Variants in B4GALT7 observed in about 807,000 individuals in gnomAD.
The protein encoded by B4GALT7 is beta-1,4-galactosyltransferase 7.
In B4GALT7, 30 loss-of-function variants were observed where a neutral mutation model predicts 33.0. The ratio of observed to expected loss-of-function variants is 0.91; its 90% CI spans 0.68 to 1.23. The LOEUF (loss-of-function observed/expected upper bound fraction) is 1.23. Ranked by LOEUF, B4GALT7 falls within the 50% of genes most tolerant of loss-of-function variation. The pLI, the probability that B4GALT7 is intolerant of heterozygous loss-of-function variation, is 0.00. For synonymous variants in B4GALT7, 213 were observed against 187.2 expected, an observed-to-expected ratio of 1.14 and a Z score of -1.13; for missense variants, 507 against 450.8, an observed-to-expected ratio of 1.12 and a Z score of -1.13.
At chr5:177,602,950 T>C (rs1767882771) in intron 1 of B4GALT7, 2 of 650,412 alleles carry the variant, frequency 3.1e-6, no homozygotes, top group Non-Finnish European at 3.8e-6. Context: ...TGGCGTGATC[T>C]CAGCTCACTG....
chr5:177,608,964 G>A lies in B4GALT7; in HGVS notation c.778G>A (p.Asp260Asn), dbSNP rs1231800939. 3.1e-6 allele frequency: 5 copies of A among 1,613,322 alleles called. No homozygotes were observed. The highest frequency in any genetic ancestry group is 3.4e-6 in the Non-Finnish European group (4 of 1,179,996). Residue 260 changes from aspartate (D) to asparagine (N), a missense_variant, in exon 5 of 6, where the codon GAC (aspartate) becomes AAC (asparagine). Physicochemically the swap from Asp to Asn is conservative, Grantham distance 23. Transcript: ENST00000029410. The surrounding 1 kb of genome is among the most constrained non-coding windows in gnomAD (Gnocchi z 4.1). ...GTACAAGACATTTCGCCACCTGCAT[G>A]ACCCAGCCTGGCGGAAGAGGGACCA... The part of the protein sequence containing the change: ...TGYKTFRHLH[D>N]PAWRKRDQKR...
At chr5:177,607,563 G>C (rs1384409195) in intron 3 of B4GALT7, 36 bp downstream of exon 3, 1 of 1,584,446 alleles carries the variant, frequency 6.3e-7, no homozygotes, top group East Asian at 2.2e-5. Flanking sequence ...TCAGAGCCGG[G>C]AGCTCCCTCC....
intron 5 of B4GALT7, among the ~76,000 whole-genome samples, chr5:177,609,290 C>A (rs561178194): frequency 6.6e-6 from 1 of 152,184 alleles, no homozygotes; most frequent in African/African-American, 2.4e-5. Flanking sequence ...CCCAGCCACA[C>A]CCGGGATGCA....
rs1767818910 is a variant in B4GALT7, at chr5:177,600,541, T to C, written c.50+281T>C. Among the ~76,000 whole-genome samples, 1 of 151,724 alleles carries C rather than the reference T, an allele frequency of 6.6e-6. No individual in the cohort carries two copies. Among genetic ancestry groups the C allele is most frequent in the Non-Finnish European group, 1.5e-5 (1 of 67,882 alleles). On this transcript the variant is annotated intron_variant, in intron 1 of 5. Transcript: ENST00000029410. The surrounding 1 kb of genome is among the most constrained non-coding windows in gnomAD (Gnocchi z 4.4). ...CCGTATTTCTCCATTGACTTCCCTT[T>C]GTGAGTTTCTGATCCCCTCTTTGCT...
intron 1 of B4GALT7, chr5:177,603,924 G>A (rs1440388549): frequency 3.6e-6 from 2 of 549,876 alleles, no homozygotes; most frequent in Non-Finnish European, 3.3e-6. Context: ...GAGGAGCCGG[G>A]GCAGCTCTGT....
chr5:177,609,194 C>T (rs1207624385), intron 5 of B4GALT7, among the ~76,000 whole-genome samples, 180 bp downstream of exon 5: 7 of 152,134 alleles, frequency 4.6e-5, no homozygotes, highest in Admixed American at 1.3e-4. Context: ...TGTGGGCACC[C>T]TGGGCACTGT....
chr5:177,608,837 C>T lies in B4GALT7; in HGVS notation c.724-73C>T. The T allele has an allele frequency of 3.7e-6, 5 of 1,369,430 alleles. No homozygotes were observed. Among genetic ancestry groups the T allele is most frequent in the Non-Finnish European group, 2.1e-6 (2 of 962,120 alleles). 84.8% of individuals were successfully genotyped at this position (1,369,430 alleles called of 1,614,324 possible). A position where few individuals can be genotyped will look rare whatever the true frequency, so the allele number is the denominator to read the frequency against. Reference sequence around the variant, plus strand: ...GGAGTGCAGGTCCCTTCCTGTGGGACCTCGGGAGCTGGTGGTGAGGGCTGG... The same window carrying T: ...GGAGTGCAGGTCCCTTCCTGTGGGATCTCGGGAGCTGGTGGTGAGGGCTGG... On this transcript the variant is annotated intron_variant, in intron 4 of 5. Coordinates refer to ENST00000029410, the MANE Select transcript of B4GALT7 (RefSeq NM_007255.3). This position sits in a 1 kb window ranked among gnomAD's most constrained non-coding sequence, Gnocchi z 4.1.
Position 177,610,026 on chromosome 5 carries a change from C to T in B4GALT7, c.*331C>T, listed in dbSNP as rs936276472. On this transcript the variant is annotated 3_prime_UTR_variant, in exon 6 of 6. Transcript: ENST00000029410. ...AGTGGGGAGGGCTGAACAGGACAAC[C>T]TCTCATCACCCCCACTTTTGTTCCT... The T allele has an allele frequency of 5.1e-6, 2 of 394,500 alleles. No individual in the cohort carries two copies. The highest frequency in any genetic ancestry group is 1.1e-4 in the East Asian group (2 of 17,784). 24.4% of individuals were successfully genotyped at this position (394,500 alleles called of 1,614,324 possible). A position where few individuals can be genotyped will look rare whatever the true frequency, so the allele number is the denominator to read the frequency against.
Position 177,604,396 on chromosome 5 carries a change from T to TG in B4GALT7, c.272dup (p.His93ProfsTer73), listed in dbSNP as rs1450072481. 1.2e-6 allele frequency: 2 copies of TG among 1,613,676 alleles called. No homozygotes were observed. The highest frequency in any genetic ancestry group is 1.1e-5 in the South Asian group (1 of 91,072). On this transcript the variant is annotated frameshift_variant, in exon 2 of 6. Coordinates refer to ENST00000029410, the MANE Select transcript of B4GALT7 (RefSeq NM_007255.3). LOFTEE classifies it high-confidence loss of function. ...TGAGCACTGGGAAGAAGACGCATCC[T>TG]GGGGCCCCCACCGCCTGGCAGTGCT...
rs372307412 is a variant in B4GALT7, at chr5:177,608,497, C to T, written c.640-42C>T. On this transcript the variant is annotated intron_variant, in intron 3 of 5. Coordinates refer to ENST00000029410, the MANE Select transcript of B4GALT7 (RefSeq NM_007255.3). The surrounding 1 kb of genome is among the most constrained non-coding windows in gnomAD (Gnocchi z 4.1). ...GGTAGGAGACCAAAGGCCCCCCCCC[C>T]CGGGAAGATGGGCCGAGTGACGCTG... is the stretch of plus-strand genomic sequence containing the variant. 3.8e-6 allele frequency: 6 copies of T among 1,567,392 alleles called. No individual in the cohort carries two copies. Among genetic ancestry groups the T allele is most frequent in the African/African-American group, 2.7e-5 (2 of 73,550 alleles).
Position 177,600,992 on chromosome 5 carries a change from T to G in B4GALT7, c.50+732T>G, listed in dbSNP as rs544168230. Among the ~76,000 whole-genome samples, 1 of 152,352 alleles carries G rather than the reference T, an allele frequency of 6.6e-6. No individual in the cohort carries two copies. Among genetic ancestry groups the G allele is most frequent in the South Asian group, 2.1e-4 (1 of 4,828 alleles). On this transcript the variant is annotated intron_variant, in intron 1 of 5. Transcript: ENST00000029410. The surrounding 1 kb of genome is among the most constrained non-coding windows in gnomAD (Gnocchi z 4.4). ...CTAAAGCAGAATGGGGAAAGCGATTTGACTGCCTCCATTCGTGGGGCACTT... is the reference window on the plus strand; with the variant it reads ...CTAAAGCAGAATGGGGAAAGCGATTGGACTGCCTCCATTCGTGGGGCACTT...
At chr5:177,603,815 A>G (rs1324217105) in intron 1 of B4GALT7, among the ~76,000 whole-genome samples, 1 of 152,178 alleles carries the variant, frequency 6.6e-6, no homozygotes, top group African/African-American at 2.4e-5. Flanking sequence ...ACATTGAGCC[A>G]CTATCGTGGG....
intron 2 of B4GALT7, 76 bp from the exon 3 acceptor site, chr5:177,607,226 G>A (rs1225433272): frequency 1.3e-5 from 18 of 1,339,174 alleles, no homozygotes; most frequent in Non-Finnish European, 1.9e-5. Flanking sequence ...GCACCATGGG[G>A]ACCCCCGGGT....
At chr5:177,604,056 T>C (rs1767908089) in intron 1 of B4GALT7, 123 bp from the exon 2 acceptor site, 6 of 1,395,744 alleles carry the variant, frequency 4.3e-6, no homozygotes, top group Middle Eastern at 2.5e-4. Flanking sequence ...GCTTCTGTAC[T>C]AATTCCCAGG....
Position 177,609,845 on chromosome 5 carries a change from G to A in B4GALT7, c.*150G>A. On this transcript the variant is annotated 3_prime_UTR_variant, in exon 6 of 6. Coordinates refer to ENST00000029410, the MANE Select transcript of B4GALT7 (RefSeq NM_007255.3). ...GCAATTGCAGCCACCCGGCCGCCAA[G>A]GCAGGCTTGGGCTGGGCCAGGACAC... 9.4e-7 allele frequency: 1 copy of A among 1,062,800 alleles called. No individual in the cohort carries two copies. Among genetic ancestry groups the A allele is most frequent in the East Asian group, 2.6e-5 (1 of 38,480 alleles). 65.8% of individuals were successfully genotyped at this position (1,062,800 alleles called of 1,614,324 possible). A position where few individuals can be genotyped will look rare whatever the true frequency, so the allele number is the denominator to read the frequency against.
In B4GALT7 at chr5:177,603,217, T is replaced by C. The variant is rs1409179110; in HGVS notation, c.51-962T>C. 4.1e-6 allele frequency: 4 copies of C among 985,304 alleles called. No homozygotes were observed. The African/African-American group carries it at 7.0e-5, about 17-fold the overall frequency. The allele number at this position is 985,304 out of a possible 1,614,324, so 61.0% of individuals were successfully genotyped here. A position where few individuals can be genotyped will look rare whatever the true frequency, so the allele number is the denominator to read the frequency against. On this transcript the variant is annotated intron_variant, in intron 1 of 5. Transcript: ENST00000029410. ...TTTATAAGACCTGATAGCTAATCGC[T>C]GACTCTTAAGATTGTGAAGTGGATT...
chr5:177,604,924 G>T, intron 2 of B4GALT7: 1 of 463,474 alleles, frequency 2.2e-6, no homozygotes, highest in East Asian at 6.6e-5. Flanking sequence ...TCAAGGCCAC[G>T]GCTTTAAAGT....
Position 177,604,185 on chromosome 5 carries a change from G to A in B4GALT7, c.57G>A (p.Gly19=). ...AQLPWEDGRS[G]LLSGGLPRKC... is the part of the protein sequence containing the mutation. ...TGTCCCGCGCTTGCTCCAGGTCCGG[G>A]TTGCTCTCCGGCGGCCTCCCTCGGA... Residue 19 remains glycine (G), a synonymous_variant, in exon 2 of 6, where the codon GGG becomes GGA. Coordinates refer to ENST00000029410, the MANE Select transcript of B4GALT7 (RefSeq NM_007255.3). 1.2e-6 allele frequency: 2 copies of A among 1,613,526 alleles called. No individual in the cohort carries two copies. Among genetic ancestry groups the A allele is most frequent in the Non-Finnish European group, 1.7e-6 (2 of 1,179,944 alleles).
At chr5:177,604,118 C>G in intron 1 of B4GALT7, 61 bp from the exon 2 acceptor site, 1 of 1,609,722 alleles carries the variant, frequency 6.2e-7, no homozygotes, top group African/African-American at 1.3e-5. Flanking sequence ...GGCCAGAGAA[C>G]GGGTCTGTCA....
Sources: gnomAD v4.1 joint callset for allele counts (sites outside exome capture counted in the v4.1 genomes callset) on GRCh38, gnomAD v4.1.1 for gene constraint, Gnocchi (gnomAD v3.1) non-coding constraint, MANE v1.5 for transcripts, NCBI Gene and HGNC (gene_info 2026-07-23, HGNC 2026-07-21) for gene names.